Variants in CD48 observed in about 807,000 individuals in gnomAD.
CD48 encodes the protein CD48 molecule.
CD48 carries 20 observed loss-of-function variants against 22.0 expected under a neutral mutation model. The ratio of observed to expected loss-of-function variants is 0.91; its 90% CI spans 0.64 to 1.32. The LOEUF (loss-of-function observed/expected upper bound fraction) is 1.32. Ranked by LOEUF, CD48 falls within the 40% of genes most tolerant of loss-of-function variation. CD48 has a pLI of 0.00. For missense variants in CD48, 307 were observed against 286.5 expected (o/e 1.07, Z -0.52); for synonymous variants, 110 against 110.1 (o/e 1.00, Z 0.01).
At chr1:160,697,881 C>G (rs1467602325) in intron 1 of CD48, among the ~76,000 whole-genome samples, 4 of 151,256 alleles carry the variant, frequency 2.6e-5, no homozygotes, top group East Asian at 1.9e-4. Flanking sequence ...AGCGACTTAA[C>G]AGAAAGTCTA....
chr1:160,678,845 C>T lies in CD48; in HGVS notation c.*207G>A. 2.1e-6 allele frequency: 1 copy of T among 478,410 alleles called. No individual in the cohort carries two copies. Among genetic ancestry groups the T allele is most frequent in the Non-Finnish European group, 3.7e-6 (1 of 268,820 alleles). 29.6% of individuals were successfully genotyped at this position (478,410 alleles called of 1,614,324 possible). A position where few individuals can be genotyped will look rare whatever the true frequency, so the allele number is the denominator to read the frequency against. On this transcript the variant is annotated 3_prime_UTR_variant, in exon 4 of 4. Transcript: ENST00000368046. The stretch of plus-strand genomic sequence containing the variant: ...TTGGGTGGGAAAAAAGCATGTGTAT[C>T]TCTATATCTCTGTGTACTAGAAAAC...
chr1:160,709,590 C>T (rs767626791), intron 1 of CD48, among the ~76,000 whole-genome samples: 2 of 152,114 alleles, frequency 1.3e-5, no homozygotes, highest in Non-Finnish European at 2.9e-5. Context: ...GGAGCATGCC[C>T]TAAATCATTG....
At chr1:160,706,911 G>A (rs1434922926) in intron 1 of CD48, among the ~76,000 whole-genome samples, 5 of 152,198 alleles carry the variant, frequency 3.3e-5, no homozygotes, top group African/African-American at 1.2e-4. Context: ...CAAGACACAT[G>A]GTTGGCTTCT....
chr1:160,686,158 A>C (rs1469801973), intron 1 of CD48, among the ~76,000 whole-genome samples: 1 of 151,956 alleles, frequency 6.6e-6, no homozygotes, highest in Non-Finnish European at 1.5e-5. Context: ...TGGTATATTT[A>C]AATTTTATGG....
intron 3 of CD48, among the ~76,000 whole-genome samples, chr1:160,680,167 C>T (rs757040384): frequency 1.3e-5 from 2 of 152,218 alleles, no homozygotes; most frequent in Non-Finnish European, 2.9e-5. Context: ...ACAGGGGTCA[C>T]AGGTGAATGT....
intron 1 of CD48, among the ~76,000 whole-genome samples, chr1:160,688,742 C>A (rs767182553): frequency 6.6e-6 from 1 of 152,000 alleles, no homozygotes; most frequent in African/African-American, 2.4e-5. Context: ...GCTTGGGGGG[C>A]GGGTAATGCC....
chr1:160,681,580 C>T, intron 2 of CD48, 112 bp from the exon 3 acceptor site: 2 of 1,347,376 alleles, frequency 1.5e-6, no homozygotes, highest in Admixed American at 2.0e-5. Context: ...CCCCAGGAGG[C>T]AGAGTCATGA....
rs191359056 is a variant in CD48 at position 160,689,141 on chromosome 1, G to A, written c.83-3952C>T. 2.5e-4 allele frequency among the ~76,000 whole-genome samples: 38 copies of A among 152,212 alleles called. 1 individual carries two copies. The highest frequency in any genetic ancestry group is 4.7e-4 in the Non-Finnish European group (32 of 68,004). ...TATTTTATCTGTAGCTGATGTTTTC[G>A]GAAGATAAGCAGCCTAGAATTGAGT... On this transcript the variant is annotated intron_variant, in intron 1 of 3. Transcript: ENST00000368046.
intron 3 of CD48, chr1:160,680,933 T>C (rs992145645): frequency 1.4e-6 from 2 of 1,430,208 alleles, no homozygotes; most frequent in Non-Finnish European, 9.1e-7. Context: ...CTATGCTTTG[T>C]TAGAGCGGGA....
intron 3 of CD48, 28 bp downstream of exon 3, chr1:160,681,174 C>T (rs752522944): frequency 3.7e-5 from 60 of 1,613,952 alleles, no homozygotes; most frequent in Admixed American, 1.7e-4. Flanking sequence ...ACCCTGTGCC[C>T]CCCTCAGCTC....
chr1:160,685,434 G>GA (rs1661964143), intron 1 of CD48, among the ~76,000 whole-genome samples: 1 of 152,288 alleles, frequency 6.6e-6, no homozygotes, highest in East Asian at 1.9e-4. Context: ...CCCAGAAAAT[G>GA]AAAGAATTGA....
chr1:160,703,774 G>C (rs1295147741), intron 1 of CD48, among the ~76,000 whole-genome samples: 2 of 152,168 alleles, frequency 1.3e-5, no homozygotes, highest in Non-Finnish European at 2.9e-5. Context: ...TCTGAGTAAA[G>C]ACTTGGAGGA....
intron 1 of CD48, among the ~76,000 whole-genome samples, chr1:160,693,783 C>A (rs1662311939): frequency 6.6e-6 from 1 of 152,264 alleles, no homozygotes. Context: ...GGGAAACTAG[C>A]AAAGGGGCCA....
intron 2 of CD48, 195 bp downstream of exon 2, chr1:160,684,692 A>G (rs1016326485): frequency 1.4e-6 from 2 of 1,480,698 alleles, no homozygotes; most frequent in African/African-American, 1.4e-5. Context: ...TAAATGTCCT[A>G]AGATTGTTAA....
chr1:160,681,932 C>T (rs931599317), intron 2 of CD48, among the ~76,000 whole-genome samples: 10 of 152,176 alleles, frequency 6.6e-5, no homozygotes, highest in Admixed American at 1.3e-4. Context: ...CCTGTCTGCG[C>T]GTGGCAAAGT....
chr1:160,687,695 A>G (rs1662052015), intron 1 of CD48, among the ~76,000 whole-genome samples: 1 of 152,210 alleles, frequency 6.6e-6, no homozygotes, highest in African/African-American at 2.4e-5. Flanking sequence ...ATTTTGACAC[A>G]GGATTCTTTG....
chr1:160,680,982 T>C (rs1374195680), intron 3 of CD48: 12 of 1,413,400 alleles, frequency 8.5e-6, no homozygotes, highest in African/African-American at 6.8e-5. Context: ...CCAAACGTCC[T>C]TTGCAGGTGA....
intron 1 of CD48, among the ~76,000 whole-genome samples, chr1:160,708,554 T>C (rs928354518): frequency 1.2e-4 from 18 of 152,088 alleles, no homozygotes; most frequent in African/African-American, 1.7e-4. Context: ...ATTTGAGAGA[T>C]ATTTTTGAAA....
chr1:160,684,778 GT>G (rs1348602098), intron 2 of CD48, 108 bp downstream of exon 2: 1 of 1,612,604 alleles, frequency 6.2e-7, no homozygotes, highest in East Asian at 2.2e-5. Flanking sequence ...CTGTCCTGAG[GT>G]TTTTCTCTCC....
Sources: allele counts gnomAD v4.1 joint callset (sites outside exome capture counted in the v4.1 genomes callset), GRCh38; gene constraint gnomAD v4.1.1; transcripts MANE v1.5; gene names NCBI Gene and HGNC (gene_info 2026-07-23, HGNC 2026-07-21).